ABCB1: variants seen among roughly 807,000 people sequenced by gnomAD.
ABCB1 encodes ATP binding cassette subfamily B member 1, also known as ATP-dependent translocase ABCB1.
ABCB1 carries 69 observed loss-of-function variants against 142.0 expected under a neutral mutation model. The observed-to-expected ratio is 0.49, with a 90% CI of 0.40 to 0.59. The LOEUF (loss-of-function observed/expected upper bound fraction) is 0.59, where lower values mean the gene tolerates loss of function less well. Ranked by LOEUF, ABCB1 falls within the 20% of genes least tolerant of loss-of-function variation. The probability of loss-of-function intolerance (pLI) is 0.00; values close to 1 mark genes in which losing one functional copy is unlikely to be tolerated. For synonymous variants in ABCB1, 532 were observed against 539.2 expected, an observed-to-expected ratio of 0.99 and a Z score of 0.18; for missense variants, 1,326 against 1,554.7, an observed-to-expected ratio of 0.85 and a Z score of 2.47.
At chr7:87,532,562 A>C (rs1290417873) in intron 20 of ABCB1, among the ~76,000 whole-genome samples, 1 of 152,172 alleles carries the variant, frequency 6.6e-6, no homozygotes, top group Non-Finnish European at 1.5e-5. Context: ...ACAATTTACA[A>C]ATGCCATGGC....
chr7:87,672,465 A>G (rs2130529354), intron 1 of ABCB1, among the ~76,000 whole-genome samples: 1 of 152,172 alleles, frequency 6.6e-6, no homozygotes, highest in South Asian at 2.1e-4. Flanking sequence ...AGTGGGTCTT[A>G]TCTTGTGGGG....
chr7:87,588,221 TTTG>T (rs1818844723), intron 3 of ABCB1, among the ~76,000 whole-genome samples: 1 of 152,128 alleles, frequency 6.6e-6, no homozygotes, highest in Non-Finnish European at 1.5e-5. Context: ...CAAATGCAGG[TTTG>T]TTACATACGT....
At chr7:87,575,950 C>T (rs1167474403) in intron 4 of ABCB1, among the ~76,000 whole-genome samples, 2 of 152,072 alleles carry the variant, frequency 1.3e-5, no homozygotes, top group African/African-American at 4.8e-5. Context: ...GATTCCTGGC[C>T]CAGGAATTCA....
chr7:87,530,496 G>A (rs1167144144), intron 21 of ABCB1, among the ~76,000 whole-genome samples: 1 of 151,568 alleles, frequency 6.6e-6, no homozygotes, highest in East Asian at 1.9e-4. Flanking sequence ...GTTGCTATAA[G>A]GAATAAGACA....
chr7:87,710,086 T>C (rs1829935353), intron 1 of ABCB1, among the ~76,000 whole-genome samples: 1 of 152,122 alleles, frequency 6.6e-6, no homozygotes, highest in Non-Finnish European at 1.5e-5. Flanking sequence ...GAAATTTGGA[T>C]TTTATTACTA....
chr7:87,551,537 C>A (rs1300497771), intron 9 of ABCB1, among the ~76,000 whole-genome samples: 1 of 151,872 alleles, frequency 6.6e-6, no homozygotes, highest in Non-Finnish European at 1.5e-5. Context: ...TGTTGCCCAG[C>A]CTGGACTGCA....
chr7:87,704,562 A>G (rs1829423944), intron 1 of ABCB1, among the ~76,000 whole-genome samples: 1 of 152,236 alleles, frequency 6.6e-6, no homozygotes, highest in South Asian at 2.1e-4. Context: ...AACTCTCTTA[A>G]CAAGGCTCTT....
Position 87,679,283 on chromosome 7 carries a change from C to T in ABCB1, c.-331+33878G>A, listed in dbSNP as rs771358097. 8.2e-4 allele frequency among the ~76,000 whole-genome samples: 122 copies of T among 149,288 alleles called. 7 individuals are homozygous for T. The highest frequency in any genetic ancestry group is 2.8e-3 in the African/African-American group (114 of 40,066). On this transcript the variant is annotated intron_variant, in intron 1 of 28. Transcript: ENST00000265724. ...AATTTTTTTGTATTTTTAGTAGAGA[C>T]GGAGTTTCACAGTGTTAGCCAGGAT... is the stretch of plus-strand genomic sequence containing the variant.
intron 26 of ABCB1, among the ~76,000 whole-genome samples, chr7:87,509,047 G>A (rs572655510): frequency 1.3e-5 from 2 of 152,282 alleles, no homozygotes; most frequent in South Asian, 4.1e-4. Flanking sequence ...TCCTAAACCT[G>A]AAGTGGTCGA....
At chr7:87,687,961 G>C (rs1253112189) in intron 1 of ABCB1, among the ~76,000 whole-genome samples, 1 of 152,040 alleles carries the variant, frequency 6.6e-6, no homozygotes, top group Non-Finnish European at 1.5e-5. Context: ...AACTTTTGTT[G>C]GAAAATGAGA....
chr7:87,533,483 G>A (rs1816150869), intron 20 of ABCB1, among the ~76,000 whole-genome samples: 1 of 152,168 alleles, frequency 6.6e-6, no homozygotes, highest in South Asian at 2.1e-4. Context: ...GTACCAAAAA[G>A]AGTAACTAAG....
At chr7:87,584,918 A>G (rs1012023184) in intron 4 of ABCB1, among the ~76,000 whole-genome samples, 1 of 151,826 alleles carries the variant, frequency 6.6e-6, no homozygotes, top group African/African-American at 2.4e-5. Flanking sequence ...ACACAAAACA[A>G]GCTACAAGCT....
At position 87,710,531 on chromosome 7, in the gene ABCB1, T is replaced by A. The variant is rs529299314; in HGVS notation, c.-331+2630A>T. On this transcript the variant is annotated intron_variant, in intron 1 of 28. Transcript: ENST00000265724. ...ATGGCACAGTGGCAAAATATTTTTT[T>A]AATTTTTTTTATATTTGATTCTTTC... is the stretch of plus-strand genomic sequence containing the variant. The A allele has an allele frequency of 9.5e-5, 122 of 1,280,090 alleles. No homozygotes were observed. In the African/African-American group the frequency reaches 1.7e-3, roughly 18 times the overall value. 79.3% of individuals were successfully genotyped at this position (1,280,090 alleles called of 1,614,324 possible). A position where few individuals can be genotyped will look rare whatever the true frequency, so the allele number is the denominator to read the frequency against.
intron 1 of ABCB1, among the ~76,000 whole-genome samples, chr7:87,680,840 A>C (rs987126486): frequency 6.6e-6 from 1 of 150,474 alleles, no homozygotes; most frequent in South Asian, 2.1e-4. Context: ...TAAATAAAGA[A>C]GGGAAAATTA....
At chr7:87,628,728 C>A (rs1366704842) in intron 1 of ABCB1, 6 of 725,030 alleles carry the variant, frequency 8.3e-6, no homozygotes, top group Non-Finnish European at 1.2e-5. Flanking sequence ...CCTTCCCGCG[C>A]CCCCACGGTT....
At chr7:87,704,356 TA>T (rs1238652483) in intron 1 of ABCB1, among the ~76,000 whole-genome samples, 1 of 152,224 alleles carries the variant, frequency 6.6e-6, no homozygotes, top group African/African-American at 2.4e-5. Flanking sequence ...AGATGCTACA[TA>T]AACATTCTCA....
chr7:87,543,307 C>A (rs1267262547), intron 17 of ABCB1, among the ~76,000 whole-genome samples: 2 of 151,978 alleles, frequency 1.3e-5, no homozygotes, highest in Non-Finnish European at 2.9e-5. Flanking sequence ...AATAACAATT[C>A]TTGAATAAAT....
At chr7:87,618,934 A>G (rs1157530849) in intron 1 of ABCB1, among the ~76,000 whole-genome samples, 4 of 152,176 alleles carry the variant, frequency 2.6e-5, no homozygotes, top group African/African-American at 9.7e-5. Flanking sequence ...ATGGGATTCT[A>G]CCAACAACTT....
chr7:87,504,013 TA>T lies in ABCB1; in HGVS notation c.*229del, dbSNP rs1814602939. On this transcript the variant is annotated 3_prime_UTR_variant, in exon 28 of 28. Coordinates refer to ENST00000622132, the MANE Select transcript of ABCB1 (RefSeq NM_001348946.2). ...ACATTTTATCTTTTAAAATCTACTT[TA>T]ATTCTGTTATAAAATTTATAATGCA... 1.7e-6 allele frequency: 1 copy of T among 589,442 alleles called. No homozygotes were observed. The highest frequency in any genetic ancestry group is 1.9e-5 in the African/African-American group (1 of 53,870). The allele number at this position is 589,442 out of a possible 1,614,324, so 36.5% of individuals were successfully genotyped here. A position where few individuals can be genotyped will look rare whatever the true frequency, so the allele number is the denominator to read the frequency against.
Sources: allele counts gnomAD v4.1 joint callset (sites outside exome capture counted in the v4.1 genomes callset), GRCh38; gene constraint gnomAD v4.1.1; transcripts MANE v1.5; gene names NCBI Gene and HGNC (gene_info 2026-07-23, HGNC 2026-07-21).